The following USH2A variants were observed in gnomAD, a reference collection of about 807,000 sequenced individuals.
USH2A encodes Usher syndrome 2A (autosomal recessive, mild).
In USH2A, 443 loss-of-function variants were observed where a neutral mutation model predicts 538.9. The ratio of observed to expected loss-of-function variants is 0.82; its 90% confidence interval spans 0.76 to 0.89. USH2A has a LOEUF of 0.89. Among genes scored for constraint, USH2A ranks in the 40% least tolerant of loss-of-function variants. The pLI is 0.00. For synonymous variants in USH2A, 2,413 were observed against 2,273.5 expected (o/e 1.06, Z -1.75); for missense variants, 6,633 against 6,324.8 (o/e 1.05, Z -1.65).
At chr1:215,960,193 TA>T (rs1170509781) in intron 37 of USH2A, among the ~76,000 whole-genome samples, 1 of 152,146 alleles carries the variant, frequency 6.6e-6, no homozygotes, top group Non-Finnish European at 1.5e-5. Flanking sequence ...TGAAGCTCTG[TA>T]AAATAATGAT....
intron 38 of USH2A, among the ~76,000 whole-genome samples, chr1:215,913,063 G>A (rs150227929): frequency 1.1e-3 from 166 of 152,186 alleles, no homozygotes; most frequent in African/African-American, 3.8e-3. Flanking sequence ...CAATCTCCAA[G>A]CTATAAATAT....
chr1:216,395,094 T>C (rs149419883), intron 3 of USH2A, among the ~76,000 whole-genome samples: 4 of 152,322 alleles, frequency 2.6e-5, no homozygotes, highest in Admixed American at 2.6e-4. Context: ...TGTTGAGACT[T>C]CTGTCAAATA....
intron 32 of USH2A, among the ~76,000 whole-genome samples, chr1:216,031,579 G>T (rs1483716944): frequency 6.6e-6 from 1 of 152,094 alleles, no homozygotes; most frequent in Non-Finnish European, 1.5e-5. Flanking sequence ...CTGCTAAATG[G>T]AGAAAACAGC....
chr1:215,747,945 G>T (rs141203303), intron 58 of USH2A, among the ~76,000 whole-genome samples: 8,398 of 149,808 alleles, frequency 0.056, 282 homozygotes, highest in African/African-American at 0.097. Flanking sequence ...ACTGCGGACT[G>T]CAGTGGCGCA....
At chr1:215,843,533 G>A (rs1663750790) in intron 46 of USH2A, among the ~76,000 whole-genome samples, 1 of 137,174 alleles carries the variant, frequency 7.3e-6, no homozygotes, top group Non-Finnish European at 1.7e-5. Flanking sequence ...CAAGTGATCA[G>A]TGCACTTTCT....
chr1:215,855,457 C>G (rs181965926), intron 44 of USH2A, among the ~76,000 whole-genome samples: 1 of 152,160 alleles, frequency 6.6e-6, no homozygotes, highest in East Asian at 1.9e-4. Context: ...GGTGAAAGAC[C>G]TCTATAAGGA....
At chr1:216,028,104 G>A (rs1669011573) in intron 32 of USH2A, among the ~76,000 whole-genome samples, 1 of 152,126 alleles carries the variant, frequency 6.6e-6, no homozygotes, top group African/African-American at 2.4e-5. Flanking sequence ...ATTCACAGAA[G>A]TGGCCGGGTG....
intron 58 of USH2A, among the ~76,000 whole-genome samples, chr1:215,751,235 A>G (rs1171868203): frequency 2.0e-5 from 3 of 152,170 alleles, no homozygotes; most frequent in East Asian, 3.8e-4. Context: ...CTTTAATCAA[A>G]ATGATAAATA....
At chr1:216,294,886 ACT>A (rs2037073694) in intron 9 of USH2A, among the ~76,000 whole-genome samples, 1 of 151,502 alleles carries the variant, frequency 6.6e-6, no homozygotes, top group Non-Finnish European at 1.5e-5. Context: ...TCTTTAGTAT[ACT>A]CTTTTTTAAT....
intron 21 of USH2A, among the ~76,000 whole-genome samples, chr1:216,120,830 G>A (rs977688956): frequency 7.9e-5 from 12 of 151,908 alleles, no homozygotes; most frequent in Non-Finnish European, 1.5e-4. Flanking sequence ...CAGTCTGGGC[G>A]ACACAGTGAG....
At chr1:216,000,283 A>C in intron 33 of USH2A, 120 bp downstream of exon 33, 3 of 1,315,706 alleles carry the variant, frequency 2.3e-6, no homozygotes, top group African/African-American at 1.5e-5. Flanking sequence ...CACTGAACTA[A>C]TCACTTCTAT....
Position 215,624,262 on chromosome 1 carries a change from T to C in USH2A, c.*1519A>G, listed in dbSNP as rs911551761. 1 of 152,176 alleles carries C rather than the reference T, an allele frequency of 6.6e-6. No individual in the cohort carries two copies. The highest frequency in any genetic ancestry group is 1.5e-5 in the Non-Finnish European group (1 of 68,040). The allele number at this position is 152,176 out of a possible 1,614,324, so 9.4% of individuals were successfully genotyped here. A position where few individuals can be genotyped will look rare whatever the true frequency, so the allele number is the denominator to read the frequency against. On this transcript the variant is annotated 3_prime_UTR_variant, in exon 72 of 72. Transcript: ENST00000307340. ...TTTTGACACTTATGGTTGGCAAACT[T>C]TGTCTAGGAGTTGGTCAGTCTGAGG...
intron 43 of USH2A, among the ~76,000 whole-genome samples, chr1:215,871,005 A>G (rs527575985): frequency 3.9e-5 from 6 of 152,314 alleles, no homozygotes; most frequent in Non-Finnish European, 8.8e-5. Flanking sequence ...TAAACTCTGT[A>G]GGAAAAAACT....
chr1:216,294,090 C>T (rs1385887369), intron 9 of USH2A, among the ~76,000 whole-genome samples: 1 of 151,836 alleles, frequency 6.6e-6, no homozygotes, highest in Non-Finnish European at 1.5e-5. Context: ...TGTACTGGAA[C>T]AAATAAAAAA....
At chr1:215,703,541 G>A (rs753959433) in intron 61 of USH2A, among the ~76,000 whole-genome samples, 22 of 152,292 alleles carry the variant, frequency 1.4e-4, no homozygotes, top group Non-Finnish European at 2.2e-4. Flanking sequence ...AGGCAGTCTG[G>A]CTACAGCGGC....
chr1:216,225,697 C>T (rs1372315756), intron 14 of USH2A, among the ~76,000 whole-genome samples: 1 of 152,140 alleles, frequency 6.6e-6, no homozygotes, highest in African/African-American at 2.4e-5. Context: ...CCCACTCAAA[C>T]TTGGGAAGTT....
chr1:216,257,686 C>T (rs1179326304), intron 11 of USH2A, among the ~76,000 whole-genome samples: 1 of 151,924 alleles, frequency 6.6e-6, no homozygotes, highest in Non-Finnish European at 1.5e-5. Context: ...ACACATATAC[C>T]AAGCCTCTAA....
At chr1:216,104,013 C>T (rs914205727) in intron 21 of USH2A, among the ~76,000 whole-genome samples, 2 of 152,030 alleles carry the variant, frequency 1.3e-5, no homozygotes, top group African/African-American at 2.4e-5. Flanking sequence ...AAACATATAC[C>T]TAGCCGAATC....
intron 49 of USH2A, among the ~76,000 whole-genome samples, chr1:215,799,519 C>A (rs1294024141): frequency 6.6e-6 from 1 of 152,070 alleles, no homozygotes; most frequent in Admixed American, 6.6e-5. Flanking sequence ...TTTCCTTGAC[C>A]AAACTATATT....
Sources: gnomAD v4.1 joint callset for allele counts (sites outside exome capture counted in the v4.1 genomes callset) on GRCh38, gnomAD v4.1.1 for gene constraint, MANE v1.5 for transcripts, NCBI Gene and HGNC (gene_info 2026-07-23, HGNC 2026-07-21) for gene names.